PRKAG2: variants seen among roughly 807,000 people sequenced by gnomAD.
PRKAG2 encodes 5'-AMP-activated protein kinase subunit gamma-2.
A neutral mutation model predicts 69.6 loss-of-function variants in PRKAG2; 26 were observed. That is an observed-to-expected ratio of 0.37 (90% CI 0.27 to 0.52). The LOEUF (loss-of-function observed/expected upper bound fraction) is 0.52, where lower values mean the gene tolerates loss of function less well. Among genes scored for constraint, PRKAG2 ranks in the 20% least tolerant of loss-of-function variants. The pLI is 0.90. For missense variants in PRKAG2, 557 were observed against 740.0 expected, an observed-to-expected ratio of 0.75 and a Z score of 2.87; for synonymous variants, 293 against 285.0, an observed-to-expected ratio of 1.03 and a Z score of -0.28.
rs1824728302 is a variant in PRKAG2 at position 151,632,196 on chromosome 7, G to C, written c.685-58C>G. 2.5e-6 allele frequency: 3 copies of C among 1,187,080 alleles called. No homozygotes were observed. The highest frequency in any genetic ancestry group is 4.2e-5 in the Admixed American group (1 of 23,610). The allele number at this position is 1,187,080 out of a possible 1,614,324, so 73.5% of individuals were successfully genotyped here. A position where few individuals can be genotyped will look rare whatever the true frequency, so the allele number is the denominator to read the frequency against. On this transcript the variant is annotated intron_variant, in intron 4 of 15. Coordinates refer to ENST00000287878, the MANE Select transcript of PRKAG2 (RefSeq NM_016203.4). The surrounding 1 kb of genome is among the most constrained non-coding windows in gnomAD (Gnocchi z 4.2). ...GAGCTGCGACGCTCGTCCCCGGCCG[G>C]CGGGCTCGCGGCCGGCCGAGCGCTG...
rs535057065 is a variant in PRKAG2, at chr7:151,836,979, A to G, written c.114+39528T>C. The stretch of plus-strand genomic sequence containing the variant: ...CTGCCAGACTGCCAATGTTTATTTG[A>G]GGCTATTTGTTTAAATTCAACTTGA... On this transcript the variant is annotated intron_variant, in intron 1 of 15. Coordinates refer to ENST00000287878, the MANE Select transcript of PRKAG2 (RefSeq NM_016203.4). The surrounding 1 kb of genome is among the most constrained non-coding windows in gnomAD (Gnocchi z 4.1). Among the ~76,000 whole-genome samples, 29 of 151,422 alleles carry G rather than the reference A, an allele frequency of 1.9e-4. No individual in the cohort carries two copies. The highest frequency in any genetic ancestry group is 6.8e-4 in the African/African-American group (28 of 41,250).
rs577540889 is a variant in PRKAG2 at position 151,693,877 on chromosome 7, C to CT, written c.467-18241dup. Among the ~76,000 whole-genome samples the CT allele has an allele frequency of 2.5e-4, 38 of 152,264 alleles. No homozygotes were observed. In the East Asian group the frequency reaches 2.5e-3, roughly 10 times the overall value. On this transcript the variant is annotated intron_variant, in intron 3 of 15. Transcript: ENST00000287878. The stretch of plus-strand genomic sequence containing the variant: ...GAACTGTGAGAAAGAAATTTCTGTT[C>CT]TTTTTTTGTTTTGAGACGGAGTCTC...
chr7:151,709,335 CGT>C (rs541158245), intron 3 of PRKAG2, among the ~76,000 whole-genome samples: 2,428 of 151,964 alleles, frequency 0.016, 36 homozygotes, highest in African/African-American at 0.032. Context: ...CATTGAGTGA[CGT>C]GTGACAATGA....
intron 5 of PRKAG2, among the ~76,000 whole-genome samples, chr7:151,607,818 T>G (rs984169150): frequency 2.0e-5 from 3 of 152,204 alleles, no homozygotes; most frequent in Non-Finnish European, 4.4e-5. Context: ...GCCTTCCCTG[T>G]TCTCCTATGG....
intron 3 of PRKAG2, among the ~76,000 whole-genome samples, chr7:151,683,611 C>T (rs1834215270): frequency 6.6e-6 from 1 of 152,170 alleles, no homozygotes; most frequent in South Asian, 2.1e-4. Flanking sequence ...GGAGGCTTTG[C>T]TTATACAGGG....
chr7:151,867,380 C>T (rs527428422), intron 1 of PRKAG2, among the ~76,000 whole-genome samples: 9 of 152,340 alleles, frequency 5.9e-5, no homozygotes, highest in African/African-American at 2.2e-4. Context: ...CCCTCCGAAA[C>T]CTCCGGGAGG....
intron 9 of PRKAG2, chr7:151,572,379 C>T (rs1034893477): frequency 6.8e-5 from 18 of 266,420 alleles, no homozygotes; most frequent in Admixed American, 2.0e-4. Context: ...TTGTGGGCAG[C>T]GAGGTGGGGC....
chr7:151,726,587 G>A (rs889497840), intron 3 of PRKAG2, among the ~76,000 whole-genome samples: 4 of 152,118 alleles, frequency 2.6e-5, no homozygotes, highest in Admixed American at 6.5e-5. Flanking sequence ...CGCAGGAGTC[G>A]TTGTCTGGGC....
intron 1 of PRKAG2, among the ~76,000 whole-genome samples, chr7:151,791,091 G>A (rs113636479): frequency 1.3e-5 from 2 of 152,222 alleles, no homozygotes; most frequent in African/African-American, 4.8e-5. Flanking sequence ...GCCTGGTCAT[G>A]CAGCCCAACA....
rs1796652153 is a variant in PRKAG2, at chr7:151,719,215, G to C, written c.467-43578C>G. On this transcript the variant is annotated intron_variant, in intron 3 of 15. Transcript: ENST00000287878. The surrounding 1 kb of genome is among the most constrained non-coding windows in gnomAD (Gnocchi z 5.2). ...AGAAAGCCCCATGGCAGAAGGGAGA[G>C]AGGTCCTGCCCCACTCCCGGTCTCT... Among the ~76,000 whole-genome samples the C allele has an allele frequency of 6.6e-6, 1 of 152,196 alleles. No individual in the cohort carries two copies. Among genetic ancestry groups the C allele is most frequent in the South Asian group, 2.1e-4 (1 of 4,792 alleles).
chr7:151,776,317 C>T (rs1209686791), intron 3 of PRKAG2, among the ~76,000 whole-genome samples: 1 of 152,256 alleles, frequency 6.6e-6, no homozygotes, highest in Non-Finnish European at 1.5e-5. Context: ...CTGAGCCCGG[C>T]CCCTGGCTGT....
intron 1 of PRKAG2, among the ~76,000 whole-genome samples, chr7:151,873,071 T>A (rs752960289): frequency 3.3e-5 from 5 of 152,254 alleles, no homozygotes; most frequent in Admixed American, 1.3e-4. Context: ...TAGATTCAAC[T>A]AGGCATCTTG....
chr7:151,563,631 G>A (rs889575653), intron 14 of PRKAG2, among the ~76,000 whole-genome samples: 22 of 152,300 alleles, frequency 1.4e-4, no homozygotes, highest in African/African-American at 5.1e-4. Flanking sequence ...CGAGACTGGA[G>A]TGCAGTGGCA....
chr7:151,608,052 G>A (rs1817926099), intron 5 of PRKAG2, among the ~76,000 whole-genome samples: 1 of 152,152 alleles, frequency 6.6e-6, no homozygotes, highest in African/African-American at 2.4e-5. Context: ...AGCGCGGCAC[G>A]GAGGGGAGGG....
chr7:151,604,774 C>T (rs767261580), intron 5 of PRKAG2, among the ~76,000 whole-genome samples: 24 of 152,182 alleles, frequency 1.6e-4, no homozygotes, highest in Non-Finnish European at 3.4e-4. Context: ...ACATGATGGT[C>T]GGGAGCATCT....
intron 3 of PRKAG2, among the ~76,000 whole-genome samples, chr7:151,728,340 C>G (rs543116330): frequency 1.3e-5 from 2 of 152,164 alleles, no homozygotes; most frequent in Admixed American, 1.3e-4. Context: ...CTGAATGTAC[C>G]AAGTGCTCAC....
chr7:151,588,268 CGT>C (rs1322009352), intron 6 of PRKAG2, among the ~76,000 whole-genome samples: 2 of 151,894 alleles, frequency 1.3e-5, no homozygotes, highest in East Asian at 1.9e-4. Flanking sequence ...ATAATTCCCA[CGT>C]GTCATGGGAG....
intron 1 of PRKAG2, among the ~76,000 whole-genome samples, chr7:151,875,773 G>C (rs2080381958): frequency 6.6e-6 from 1 of 152,006 alleles, no homozygotes; most frequent in South Asian, 2.1e-4. Context: ...CGCCCCTCTG[G>C]CTGGACAAAG....
intron 3 of PRKAG2, among the ~76,000 whole-genome samples, chr7:151,767,519 G>A (rs2075798131): frequency 6.6e-6 from 1 of 152,210 alleles, no homozygotes; most frequent in South Asian, 2.1e-4. Context: ...TCAAACTCCT[G>A]ACCTCAAGTG....
Sources: allele counts gnomAD v4.1 joint callset (sites outside exome capture counted in the v4.1 genomes callset), GRCh38; gene constraint gnomAD v4.1.1; non-coding constraint Gnocchi (gnomAD v3.1); transcripts MANE v1.5; gene names NCBI Gene and HGNC (gene_info 2026-07-23, HGNC 2026-07-21).